ELN: variants seen among roughly 807,000 people sequenced by gnomAD.
ELN encodes elastin.
In ELN, 65 loss-of-function variants were observed where a neutral mutation model predicts 105.8. The ratio of observed to expected loss-of-function variants is 0.61; its 90% confidence interval spans 0.50 to 0.75. The LOEUF is 0.75. Ranked by LOEUF, ELN falls within the 30% of genes least tolerant of loss-of-function variation. ELN has a pLI of 0.00. For missense variants in ELN, 882 were observed against 969.4 expected (o/e 0.91, Z 1.20); for synonymous variants, 368 against 389.2 (o/e 0.95, Z 0.64).
rs1554670431 is a variant in ELN at position 74,043,909 on chromosome 7, G to C, written c.458G>C (p.Gly153Ala). The change falls in exon 9 of 33, where the codon GGC becomes GCC. Residue 153 changes from glycine (G) to alanine (A), a missense_variant. Physicochemically the swap from Gly to Ala is moderately conservative, Grantham distance 60. Transcript: ENST00000252034. ...GGGCTGCCAGGTGTATACCCAGGTG[G>C]CGTGCTCCCAGGTGAGAGCAAGGAG... The part of the protein sequence containing the change: ...GVGLPGVYPG[G>A]VLPGARFPGV... The C allele has an allele frequency of 6.2e-7, 1 of 1,613,992 alleles. No individual in the cohort carries two copies. Among genetic ancestry groups the C allele is most frequent in the African/African-American group, 1.3e-5 (1 of 74,920 alleles).
intron 32 of ELN, among the ~76,000 whole-genome samples, chr7:74,067,960 A>T (rs957269036): frequency 6.7e-6 from 1 of 148,780 alleles, no homozygotes; most frequent in African/African-American, 2.5e-5. Context: ...AAAAAAAAAA[A>T]CCTTCAGAGG....
Position 74,056,442 on chromosome 7 carries a change from C to A in ELN, c.1315+7C>A. 3 of 1,613,524 alleles carry A rather than the reference C, an allele frequency of 1.9e-6. No homozygotes were observed. In the East Asian group the frequency reaches 6.7e-5, roughly 36 times the overall value. On this transcript the variant is annotated splice_region_variant and intron_variant, in intron 20 of 32. Transcript: ENST00000252034. ...CCGGGAGTTGGCATTTCCCGTGAGC[C>A]TTAGTCACACCTGGGGACATGGGTT...
At chr7:74,045,422 C>A in intron 10 of ELN, 129 bp downstream of exon 10, 1 of 1,007,386 alleles carries the variant, frequency 9.9e-7, no homozygotes, top group Non-Finnish European at 1.5e-6. Flanking sequence ...ATGTTCCAGC[C>A]CTGGGCAGCC....
intron 20 of ELN, 87 bp from the exon 21 acceptor site, chr7:74,056,585 C>A (rs1795280743): frequency 6.2e-7 from 1 of 1,608,742 alleles, no homozygotes; most frequent in African/African-American, 1.3e-5. Flanking sequence ...GTATCCATGC[C>A]TTACAGGGCA....
chr7:74,037,872 T>A, intron 4 of ELN, 133 bp downstream of exon 4: 1 of 1,340,564 alleles, frequency 7.5e-7, no homozygotes, highest in Non-Finnish European at 1.0e-6. Context: ...AGGAGGGAGG[T>A]GTGGACACCG....
intron 6 of ELN, 137 bp from the exon 7 acceptor site, chr7:74,042,847 G>A: frequency 3.9e-6 from 6 of 1,539,624 alleles, no homozygotes; most frequent in Non-Finnish European, 5.3e-6. Context: ...GCTCAGGGAG[G>A]CAGCTAGCTG....
Position 74,059,936 on chromosome 7 carries a change from G to A in ELN, c.1465G>A (p.Val489Ile), listed in dbSNP as rs781846233. The change falls in exon 23 of 33, where the codon GTC becomes ATC. Residue 489 changes from valine to isoleucine, a missense_variant. Physicochemically the swap from Val to Ile is conservative, Grantham distance 29. Coordinates refer to ENST00000252034, the MANE Select transcript of ELN (RefSeq NM_000501.4). ...TCCTGGAGTTGGCGTGGCTCCTGGT[G>A]TCGGTGTGGCTCCTGGAGTTGGCTT... ...VAPGVGVAPGVGVAPGVGLAP... is the reference protein window; with the variant it reads ...VAPGVGVAPGIGVAPGVGLAP... The A allele has an allele frequency of 1.9e-6, 3 of 1,602,554 alleles. No homozygotes were observed. In the South Asian group the frequency reaches 3.3e-5, roughly 18 times the overall value.
intron 1 of ELN, among the ~76,000 whole-genome samples, chr7:74,032,256 A>G (rs1374028151): frequency 1.3e-5 from 2 of 152,192 alleles, no homozygotes; most frequent in Non-Finnish European, 2.9e-5. Context: ...CTCCAGGCCA[A>G]CTGCTTAGGG....
At position 74,042,601 on chromosome 7, in the gene ELN, C is replaced by T. The variant is rs1791485411; in HGVS notation, c.233-13C>T. 2 of 1,612,164 alleles carry T rather than the reference C, an allele frequency of 1.2e-6. No homozygotes were observed. The highest frequency in any genetic ancestry group is 1.1e-5 in the South Asian group (1 of 91,040). Reference sequence around the variant, plus strand: ...TGGTAGCTCAGGACCTCACCCCATCCTCCCCTCCGCAGGGCTCGGCGCCTT... The same window carrying T: ...TGGTAGCTCAGGACCTCACCCCATCTTCCCCTCCGCAGGGCTCGGCGCCTT... On this transcript the variant is annotated splice_polypyrimidine_tract_variant and intron_variant, in intron 5 of 32. Coordinates refer to ENST00000252034, the MANE Select transcript of ELN (RefSeq NM_000501.4).
chr7:74,048,201 G>T lies in ELN; in HGVS notation c.745G>T (p.Gly249Trp). The T allele has an allele frequency of 5.6e-6, 9 of 1,614,012 alleles. No homozygotes were observed. Among genetic ancestry groups the T allele is most frequent in the Non-Finnish European group, 7.6e-6 (9 of 1,179,950 alleles). Residue 249 changes from glycine to tryptophan, a missense_variant and splice_region_variant, in exon 14 of 33, where the codon GGG (glycine) becomes TGG (tryptophan). Transcript: ENST00000252034. ...AGKAGYPTGTGVGPQAAAAAA... is the reference protein window; with the variant it reads ...AGKAGYPTGTWVGPQAAAAAA... ...CAAGGCTGGTTACCCAACAGGGACA[G>T]GTAAGGAAAGCCTCACGTCACTTCC...
intron 1 of ELN, among the ~76,000 whole-genome samples, chr7:74,029,892 C>T (rs1300769677): frequency 1.3e-5 from 2 of 152,184 alleles, no homozygotes; most frequent in Non-Finnish European, 1.5e-5. Flanking sequence ...AGGCAGTCCC[C>T]GGGGGTTAGT....
intron 15 of ELN, among the ~76,000 whole-genome samples, chr7:74,050,519 A>T (rs1583845018): frequency 6.7e-6 from 1 of 149,762 alleles, no homozygotes; most frequent in Non-Finnish European, 1.5e-5. Flanking sequence ...TCCTCCATGC[A>T]CCCATCCATC....
At position 74,032,733 on chromosome 7, in the gene ELN, C is replaced by T. The variant is rs534283727; in HGVS notation, c.83-2631C>T. 2.0e-5 allele frequency among the ~76,000 whole-genome samples: 3 copies of T among 152,168 alleles called. No homozygotes were observed. The East Asian group carries it at 5.8e-4, about 30-fold the overall frequency. On this transcript the variant is annotated intron_variant, in intron 1 of 32. Transcript: ENST00000252034. Reference sequence around the variant, plus strand: ...TTCCCCCCAGAAAGTGCCTGGGGTGCAGGAGGGCAGAACCCCAGGAGAAAG... The same window carrying T: ...TTCCCCCCAGAAAGTGCCTGGGGTGTAGGAGGGCAGAACCCCAGGAGAAAG...
chr7:74,065,787 A>C, intron 30 of ELN, 55 bp downstream of exon 30: 2 of 1,612,478 alleles, frequency 1.2e-6, no homozygotes, highest in South Asian at 2.2e-5. Flanking sequence ...TGCCATGCCC[A>C]TCGCCACCCT....
intron 4 of ELN, among the ~76,000 whole-genome samples, chr7:74,039,394 C>G (rs534140315): frequency 3.9e-5 from 6 of 152,200 alleles, no homozygotes; most frequent in African/African-American, 1.4e-4. Flanking sequence ...ACAGAAGGGT[C>G]GGCAGAGCCC....
intron 8 of ELN, 96 bp from the exon 9 acceptor site, chr7:74,043,783 G>A (rs1791818320): frequency 6.7e-7 from 1 of 1,503,130 alleles, no homozygotes; most frequent in Non-Finnish European, 9.1e-7. Flanking sequence ...GAGGCTGTGG[G>A]TTTGAGGGCC....
intron 21 of ELN, chr7:74,057,377 C>T (rs1262849587): frequency 6.7e-7 from 1 of 1,496,734 alleles, no homozygotes; most frequent in Non-Finnish European, 8.8e-7. Context: ...TCTCCACTCC[C>T]CGAGGTGCTG....
intron 4 of ELN, 141 bp downstream of exon 4, chr7:74,037,880 C>T (rs1277198469): frequency 1.6e-6 from 2 of 1,271,304 alleles, no homozygotes; most frequent in Admixed American, 2.0e-5. Flanking sequence ...GGTGTGGACA[C>T]CGATTAGCCT....
At chr7:74,033,150 A>AGAGGTTGAGTGACTTTCCC (rs1789079055) in intron 1 of ELN, among the ~76,000 whole-genome samples, 1 of 152,222 alleles carries the variant, frequency 6.6e-6, no homozygotes, top group African/African-American at 2.4e-5. Context: ...CGATGTTCAG[A>AGAGGTTGAGTGACTTTCCC]GAGGTTGAGT....
Sources: gnomAD v4.1 joint callset for allele counts (sites outside exome capture counted in the v4.1 genomes callset) on GRCh38, gnomAD v4.1.1 for gene constraint, MANE v1.5 for transcripts, NCBI Gene and HGNC (gene_info 2026-07-23, HGNC 2026-07-21) for gene names.